The following CAMTA1 variants were observed in gnomAD, a reference collection of about 807,000 sequenced individuals.
CAMTA1 encodes calmodulin-binding transcription activator 1.
A neutral mutation model predicts 170.9 loss-of-function variants in CAMTA1; 27 were observed. The ratio of observed to expected loss-of-function variants is 0.16; its 90% CI spans 0.12 to 0.22. The LOEUF (loss-of-function observed/expected upper bound fraction) is 0.22. Ranked by LOEUF, CAMTA1 falls within the 10% of genes least tolerant of loss-of-function variation. The pLI, the probability that CAMTA1 is intolerant of heterozygous loss-of-function variation, is 1.00. For synonymous variants in CAMTA1, 833 were observed against 891.5 expected, an observed-to-expected ratio of 0.93 and a Z score of 1.17; for missense variants, 1,619 against 2,217.2, an observed-to-expected ratio of 0.73 and a Z score of 5.42.
At chr1:7,382,871 G>GATAGATAT (rs1326818420) in intron 5 of CAMTA1, 1 of 148,392 alleles carries the variant, frequency 6.7e-6, no homozygotes, top group East Asian at 2.1e-4. Context: ...TAGATAGATA[G>GATAGATAT]ATATTCCTAT....
chr1:7,578,163 C>T (rs2095220041), intron 6 of CAMTA1, among the ~76,000 whole-genome samples: 1 of 152,186 alleles, frequency 6.6e-6, no homozygotes, highest in Non-Finnish European at 1.5e-5. Flanking sequence ...CTACACACCC[C>T]TGTTCATGTC....
At chr1:7,218,358 C>T (rs72861831) in intron 4 of CAMTA1, among the ~76,000 whole-genome samples, 2,051 of 152,196 alleles carry the variant, frequency 0.013, 57 homozygotes, top group African/African-American at 0.045. Flanking sequence ...TCATAGTCTT[C>T]TACAGATGAA....
chr1:7,686,129 G>A (rs1271012646), intron 11 of CAMTA1, among the ~76,000 whole-genome samples: 2 of 152,118 alleles, frequency 1.3e-5, no homozygotes, highest in Non-Finnish European at 1.5e-5. Context: ...ACATGGACTC[G>A]GCATCTGCTG....
chr1:7,077,405 T>C (rs9434823), intron 3 of CAMTA1, among the ~76,000 whole-genome samples: 118,484 of 151,652 alleles, frequency 0.78, 46,371 homozygotes, highest in Non-Finnish European at 0.79. Flanking sequence ...GCAGTTCTAA[T>C]GGCTCTCTCT....
At chr1:7,244,782 A>G (rs1665486230) in intron 4 of CAMTA1, among the ~76,000 whole-genome samples, 1 of 152,158 alleles carries the variant, frequency 6.6e-6, no homozygotes, top group Non-Finnish European at 1.5e-5. Context: ...TAGGAGATAT[A>G]CCTAATGCTA....
At chr1:7,261,791 C>T (rs1301761888) in intron 5 of CAMTA1, among the ~76,000 whole-genome samples, 1 of 152,224 alleles carries the variant, frequency 6.6e-6, no homozygotes, top group Admixed American at 6.5e-5. Flanking sequence ...CACAGGCTTA[C>T]AGTGACATTA....
intron 3 of CAMTA1, 71 bp downstream of exon 3, chr1:6,825,281 C>A: frequency 1.4e-6 from 1 of 707,150 alleles, no homozygotes; most frequent in Non-Finnish European, 2.5e-6. Context: ...TCACATAGTC[C>A]TACTTTATGT....
chr1:7,157,157 C>A (rs1290953590), intron 4 of CAMTA1, among the ~76,000 whole-genome samples: 1 of 151,934 alleles, frequency 6.6e-6, no homozygotes, highest in Admixed American at 6.5e-5. Flanking sequence ...TCCTGGCTAA[C>A]ACGGTGAAAC....
intron 21 of CAMTA1, among the ~76,000 whole-genome samples, chr1:7,755,397 A>G (rs2096925074): frequency 6.6e-6 from 1 of 150,424 alleles, no homozygotes; most frequent in African/African-American, 2.4e-5. Flanking sequence ...GGTAGATAGT[A>G]GCTTCAGGAA....
chr1:7,410,447 G>A (rs2149255231), intron 5 of CAMTA1, among the ~76,000 whole-genome samples: 1 of 152,372 alleles, frequency 6.6e-6, no homozygotes, highest in Non-Finnish European at 1.5e-5. Flanking sequence ...AGTGACACGT[G>A]GAGCCCATCT....
intron 1 of CAMTA1, among the ~76,000 whole-genome samples, chr1:6,792,120 AT>A (rs1188133647): frequency 6.6e-6 from 1 of 151,502 alleles, no homozygotes; most frequent in Non-Finnish European, 1.5e-5. Context: ...TGCCCGGCTA[AT>A]TTTTTTTCGT....
rs1323934767 is a variant in CAMTA1 at position 7,588,599 on chromosome 1, A to G, written c.511-51801A>G. ...CTCGGGTCCCATGCAGCTCCAGGCCAGGGCGATCTGAGCAGCCCCAGCCAC... is the reference window on the plus strand; with the variant it reads ...CTCGGGTCCCATGCAGCTCCAGGCCGGGGCGATCTGAGCAGCCCCAGCCAC... On this transcript the variant is annotated intron_variant, in intron 6 of 22. Coordinates refer to ENST00000303635, the MANE Select transcript of CAMTA1 (RefSeq NM_015215.4). The surrounding 1 kb of genome is among the most constrained non-coding windows in gnomAD (Gnocchi z 5.8). Among the ~76,000 whole-genome samples, 1 of 152,174 alleles carries G rather than the reference A, an allele frequency of 6.6e-6. No homozygotes were observed. The highest frequency in any genetic ancestry group is 1.5e-5 in the Non-Finnish European group (1 of 68,028).
chr1:7,601,638 C>A (rs2095444024), intron 6 of CAMTA1, among the ~76,000 whole-genome samples: 2 of 152,250 alleles, frequency 1.3e-5, no homozygotes, highest in Non-Finnish European at 2.9e-5. Context: ...CACTGCACTC[C>A]AGCCTGGGCA....
chr1:6,892,890 C>G (rs1283531543), intron 3 of CAMTA1, among the ~76,000 whole-genome samples: 2 of 151,644 alleles, frequency 1.3e-5, no homozygotes, highest in Non-Finnish European at 2.9e-5. Flanking sequence ...TGAATCTGTA[C>G]TACAAAGTAA....
At chr1:7,100,168 C>A (rs955919862) in intron 4 of CAMTA1, among the ~76,000 whole-genome samples, 11 of 152,182 alleles carry the variant, frequency 7.2e-5, no homozygotes, top group African/African-American at 2.7e-4. Flanking sequence ...GGGTCCCCTG[C>A]ACGGCACTTG....
At chr1:7,418,773 G>T (rs1016797904) in intron 5 of CAMTA1, among the ~76,000 whole-genome samples, 2 of 152,196 alleles carry the variant, frequency 1.3e-5, no homozygotes, top group Non-Finnish European at 2.9e-5. Context: ...CAAGCTCTCT[G>T]GGCAAGCACG....
rs888013292 is a variant in CAMTA1 at position 7,561,490 on chromosome 1, T to G, written c.511-78910T>G. Among the ~76,000 whole-genome samples the G allele has an allele frequency of 6.6e-6, 1 of 151,766 alleles. No individual in the cohort carries two copies. Among genetic ancestry groups the G allele is most frequent in the African/African-American group, 2.4e-5 (1 of 41,330 alleles). On this transcript the variant is annotated intron_variant, in intron 6 of 22. Transcript: ENST00000303635. The surrounding 1 kb of genome is among the most constrained non-coding windows in gnomAD (Gnocchi z 5.3). ...CACCCCAGCGGCACCAGCACACTCC[T>G]CATCCTCTAGGATGAGCCCAAGCAG...
chr1:7,576,062 G>T (rs1297184513), intron 6 of CAMTA1, among the ~76,000 whole-genome samples: 3 of 152,132 alleles, frequency 2.0e-5, no homozygotes, highest in Admixed American at 2.0e-4. Context: ...AGGCTGGAGT[G>T]CAATGGTGCA....
intron 4 of CAMTA1, among the ~76,000 whole-genome samples, chr1:7,163,415 G>C (rs1277628112): frequency 1.3e-5 from 2 of 152,080 alleles, no homozygotes; most frequent in African/African-American, 2.4e-5. Context: ...TGGAGAGGAA[G>C]AGAGTGACCC....
Sources: gnomAD v4.1 joint callset for allele counts (sites outside exome capture counted in the v4.1 genomes callset) on GRCh38, gnomAD v4.1.1 for gene constraint, Gnocchi (gnomAD v3.1) non-coding constraint, MANE v1.5 for transcripts, NCBI Gene and HGNC (gene_info 2026-07-23, HGNC 2026-07-21) for gene names.